Variants in PWWP2A observed in about 807,000 individuals in gnomAD.
PWWP2A encodes the protein PWWP domain-containing protein 2A.
In PWWP2A, 18 loss-of-function variants were observed where a neutral mutation model predicts 48.5. That is an observed-to-expected ratio of 0.37 (90% CI 0.26 to 0.55). The LOEUF (loss-of-function observed/expected upper bound fraction) is 0.55. PWWP2A is among the 20% of genes least tolerant of loss of function. PWWP2A has a pLI of 0.81. For missense variants in PWWP2A, 867 were observed against 976.4 expected, an observed-to-expected ratio of 0.89 and a Z score of 1.49; for synonymous variants, 396 against 387.7, an observed-to-expected ratio of 1.02 and a Z score of -0.25.
chr5:160,093,967 C>A lies in PWWP2A; in HGVS notation c.683G>T (p.Gly228Val). 6.2e-7 allele frequency: 1 copy of A among 1,614,006 alleles called. No individual in the cohort carries two copies. ...ATTTGCTTCACACTTGACTTCTGTC[C>A]CTTCTTGGAATGTATTACTTTGGAG... Reference protein sequence around the residue: ...MPLQSNTFQEGTEVKCEANGA... With the variant: ...MPLQSNTFQEVTEVKCEANGA... Residue 228 changes from glycine (G) to valine (V), a missense_variant, in exon 2 of 2, where the codon GGG becomes GTG. Coordinates refer to ENST00000307063, the MANE Select transcript of PWWP2A (RefSeq NM_001130864.2). This position sits in a 1 kb window ranked among gnomAD's most constrained non-coding sequence, Gnocchi z 5.8.
the PWWP2A span, among the ~76,000 whole-genome samples, chr5:160,053,585 A>G: frequency 3.3e-5 from 5 of 152,130 alleles, no homozygotes; most frequent in African/African-American, 1.2e-4. Flanking sequence ...AAAATTATAA[A>G]ATCAGGTAGT....
chr5:160,094,169 G>A (rs991707504), intron 1 of PWWP2A, 104 bp from the exon 2 acceptor site: 49 of 1,287,018 alleles, frequency 3.8e-5, no homozygotes, highest in South Asian at 1.4e-4. Flanking sequence ...AACCTTTCCC[G>A]AAAACTATTT....
At chr5:160,067,528 G>A (rs1331001940) in intron 2 of PWWP2A, among the ~76,000 whole-genome samples, 1 of 152,144 alleles carries the variant, frequency 6.6e-6, no homozygotes, top group South Asian at 2.1e-4. Flanking sequence ...GAAGATGCCC[G>A]AGACTACCAT....
At chr5:160,069,304 CT>C (rs1385670653) in intron 2 of PWWP2A, among the ~76,000 whole-genome samples, 1 of 151,970 alleles carries the variant, frequency 6.6e-6, no homozygotes, top group Non-Finnish European at 1.5e-5. Flanking sequence ...AAAAGGCTTA[CT>C]TGCTATTTTT....
At chr5:160,045,099 A>G in the PWWP2A span, among the ~76,000 whole-genome samples, 1 of 152,286 alleles carries the variant, frequency 6.6e-6, no homozygotes, top group South Asian at 2.1e-4. Context: ...TGGGAAGTTT[A>G]AATTAGGAAC....
chr5:160,084,710 C>T (rs1329038812), intron 2 of PWWP2A, among the ~76,000 whole-genome samples: 1 of 152,154 alleles, frequency 6.6e-6, no homozygotes, highest in East Asian at 1.9e-4. Flanking sequence ...GGATTATAGG[C>T]ATGAGCCAAG....
chr5:160,093,909 C>T lies in PWWP2A; in HGVS notation c.741G>A (p.Pro247=), dbSNP rs142143896. 300 of 1,614,012 alleles carry T rather than the reference C, an allele frequency of 1.9e-4. No homozygotes were observed. The highest frequency in any genetic ancestry group is 2.3e-4 in the Non-Finnish European group (269 of 1,179,894). The change falls in exon 2 of 2, where the codon CCG becomes CCA. Residue 247 remains proline (P), a synonymous_variant. Transcript: ENST00000307063. The surrounding 1 kb of genome is among the most constrained non-coding windows in gnomAD (Gnocchi z 5.8). ...GAVPDDPSPV[P]HPELSLAESL... ...TTTCAGCCAAGCTCAGCTCGGGATG[C>T]GGGACAGGAGAAGGGTCATCGGGAA...
At chr5:160,116,654 A>G in intron 1 of PWWP2A, 1 of 985,138 alleles carries the variant, frequency 1.0e-6, no homozygotes, top group Non-Finnish European at 1.2e-6. Context: ...TAACACAATG[A>G]GCACTTATCC....
chr5:160,104,122 CAAAAAAAAAA>C (rs70990703), intron 1 of PWWP2A, among the ~76,000 whole-genome samples: 2 of 61,764 alleles, frequency 3.2e-5, no homozygotes, highest in African/African-American at 1.3e-4. Context: ...GACTCTGTCT[CAAAAAAAAAA>C]AAAAAAAAGA....
At chr5:160,065,445 G>T (rs765476732) in intron 4 of PWWP2A, 4 of 462,554 alleles carry the variant, frequency 8.6e-6, no homozygotes, top group South Asian at 1.6e-5. Flanking sequence ...GATTGATGAC[G>T]GGTTCCCGCC....
chr5:160,089,727 C>G (rs956746561), downstream of PWWP2A: 1 of 1,237,346 alleles, frequency 8.1e-7, no homozygotes, highest in African/African-American at 1.6e-5. Flanking sequence ...CCTGGCCAAT[C>G]CTTTGTTTTA....
At chr5:160,112,147 G>GA (rs1359254576) in intron 1 of PWWP2A, among the ~76,000 whole-genome samples, 2 of 135,430 alleles carry the variant, frequency 1.5e-5, no homozygotes, top group Non-Finnish European at 3.2e-5. Context: ...AAAAAAAAAG[G>GA]AAAAAAAGAA....
rs950057206 is a variant in PWWP2A at position 160,065,572 on chromosome 5, C to T, written c.*236+976G>A. The T allele has an allele frequency of 5.8e-5, 20 of 346,686 alleles. No individual in the cohort carries two copies. The Middle Eastern group carries it at 3.2e-3, about 55-fold the overall frequency. The allele number at this position is 346,686 out of a possible 1,614,324, so 21.5% of individuals were successfully genotyped here. ...CTGGGTTAGGTTGTGAATTTTGTCA[C>T]GTAACGACAACTAAGGCAGAAGCCT... On this transcript the variant is annotated intron_variant and NMD_transcript_variant, in intron 4 of 5. Coordinates refer to the PWWP2A transcript ENST00000524050.
At position 160,078,138 on chromosome 5, in the gene PWWP2A, A is replaced by C. The variant is rs1753979197; in HGVS notation, c.*17T>G. The stretch of plus-strand genomic sequence containing the variant: ...CTCTGTGTCATTGTGGTACAGGTCC[A>C]TGAAACCAGCAGCCTGCTAATGTCT... On this transcript the variant is annotated 3_prime_UTR_variant, in exon 4 of 4. Coordinates refer to the PWWP2A transcript ENST00000456329. The surrounding 1 kb of genome is among the most constrained non-coding windows in gnomAD (Gnocchi z 4.2). 1 of 1,557,044 alleles carries C rather than the reference A, an allele frequency of 6.4e-7. No homozygotes were observed.
At chr5:160,095,390 A>G (rs1026531607) in intron 1 of PWWP2A, among the ~76,000 whole-genome samples, 15 of 152,230 alleles carry the variant, frequency 9.9e-5, no homozygotes, top group African/African-American at 3.6e-4. Flanking sequence ...CAAGAACCTG[A>G]TCCTTAAAAT....
At chr5:160,100,398 G>A (rs137914945) in intron 1 of PWWP2A, among the ~76,000 whole-genome samples, 20 of 152,298 alleles carry the variant, frequency 1.3e-4, no homozygotes, top group African/African-American at 4.6e-4. Context: ...CTTGAGGTGG[G>A]AGGATTGCTT....
At chr5:160,049,378 C>T in the PWWP2A span, 1 of 765,176 alleles carries the variant, frequency 1.3e-6, no homozygotes, top group Non-Finnish European at 1.9e-6. Flanking sequence ...AAAAGTTTTC[C>T]AGCATCAGGT....
intron 1 of PWWP2A, among the ~76,000 whole-genome samples, chr5:160,105,382 T>C (rs918720125): frequency 2.9e-5 from 4 of 138,196 alleles, no homozygotes; most frequent in Non-Finnish European, 6.2e-5. Context: ...AATAAAAATA[T>C]AAAAAATTAG....
In PWWP2A at chr5:160,094,015, T is replaced by G; in HGVS notation, c.635A>C (p.Lys212Thr). The stretch of plus-strand genomic sequence containing the variant: ...GAGCGGCATGGCTTCTGGTTTATCC[T>G]TATATTCCCTTTTGGGAAATACTGT... ...PVTVFPKREY[K>T]DKPEAMPLQS... Residue 212 changes from lysine to threonine, a missense_variant, in exon 2 of 2, where the codon AAG (lysine) becomes ACG (threonine). Transcript: ENST00000307063. The G allele has an allele frequency of 6.2e-7, 1 of 1,613,868 alleles. No homozygotes were observed. Among genetic ancestry groups the G allele is most frequent in the Non-Finnish European group, 8.5e-7 (1 of 1,179,776 alleles).
Sources: gnomAD v4.1 joint callset for allele counts (sites outside exome capture counted in the v4.1 genomes callset) on GRCh38, gnomAD v4.1.1 for gene constraint, Gnocchi (gnomAD v3.1) non-coding constraint, MANE v1.5 for transcripts, NCBI Gene and HGNC (gene_info 2026-07-23, HGNC 2026-07-21) for gene names.